Variants in ITGBL1 observed in about 807,000 individuals in gnomAD.
The protein encoded by ITGBL1 is integrin subunit beta like 1.
ITGBL1 carries 51 observed loss-of-function variants against 68.5 expected under a neutral mutation model. That is an observed-to-expected ratio of 0.74 (90% confidence interval 0.59 to 0.94). The LOEUF (loss-of-function observed/expected upper bound fraction) is 0.94. Ranked by LOEUF, ITGBL1 falls within the 40% of genes least tolerant of loss-of-function variation. ITGBL1 has a pLI of 0.00. For synonymous variants in ITGBL1, 209 were observed against 227.3 expected, an observed-to-expected ratio of 0.92 and a Z score of 0.72; for missense variants, 649 against 647.4, an observed-to-expected ratio of 1.00 and a Z score of -0.03.
At chr13:101,690,512 G>C (rs2033860036) in intron 7 of ITGBL1, among the ~76,000 whole-genome samples, 1 of 152,124 alleles carries the variant, frequency 6.6e-6, no homozygotes, top group African/African-American at 2.4e-5. Context: ...TCCCACATCT[G>C]TGTGTGAAGG....
At chr13:101,497,709 C>T (rs9585714) in intron 2 of ITGBL1, among the ~76,000 whole-genome samples, 62,927 of 151,978 alleles carry the variant, frequency 0.41, 14,403 homozygotes, top group Non-Finnish European at 0.52. Flanking sequence ...AGCTCTCGGT[C>T]CTTACTCCCC....
intron 7 of ITGBL1, among the ~76,000 whole-genome samples, chr13:101,655,267 T>G (rs569381759): frequency 3.3e-5 from 5 of 152,282 alleles, no homozygotes; most frequent in African/African-American, 1.2e-4. Flanking sequence ...ACAGAATGGA[T>G]GTTTTGTTTT....
chr13:101,600,546 T>A (rs368811122), intron 7 of ITGBL1, among the ~76,000 whole-genome samples: 12 of 151,966 alleles, frequency 7.9e-5, no homozygotes, highest in Non-Finnish European at 1.5e-4. Flanking sequence ...CCAGTTTTTG[T>A]CCATTCAGTA....
Position 101,455,732 on chromosome 13 carries a change from A to G in ITGBL1, c.316+1632A>G, listed in dbSNP as rs142777060. ...ACTTGTTATTTAACTTCGCAGTCCT[A>G]CAAACCGCAGTATAATTAAGGGTAG... On this transcript the variant is annotated intron_variant, in intron 2 of 10. Transcript: ENST00000376180. 2.7e-3 allele frequency among the ~76,000 whole-genome samples: 404 copies of G among 152,374 alleles called. 2 individuals carry two copies. The highest frequency in any genetic ancestry group is 9.0e-3 in the African/African-American group (375 of 41,576).
intron 2 of ITGBL1, among the ~76,000 whole-genome samples, chr13:101,511,659 G>A (rs1594856578): frequency 1.3e-5 from 2 of 152,092 alleles, no homozygotes; most frequent in South Asian, 2.1e-4. Flanking sequence ...CTTTGAAGAA[G>A]CAAGTTTCCA....
At chr13:101,654,082 T>G (rs1226994632) in intron 7 of ITGBL1, among the ~76,000 whole-genome samples, 1 of 151,978 alleles carries the variant, frequency 6.6e-6, no homozygotes, top group Non-Finnish European at 1.5e-5. Context: ...TGGGGGGAAT[T>G]CTTTACAAGC....
At chr13:101,597,699 C>G (rs2139323608) in intron 6 of ITGBL1, among the ~76,000 whole-genome samples, 1 of 152,124 alleles carries the variant, frequency 6.6e-6, no homozygotes, top group African/African-American at 2.4e-5. Context: ...ATTACAGGTG[C>G]ACGCCACCAT....
chr13:101,605,713 C>T lies in ITGBL1; in HGVS notation c.1015+7414C>T, dbSNP rs558379491. ...ACACGTATGTAGACTTATGTATGTG[C>T]GTATATGCGTGTACACGTATGTAGA... On this transcript the variant is annotated intron_variant, in intron 7 of 10. Transcript: ENST00000376180. 1.2e-4 allele frequency among the ~76,000 whole-genome samples: 18 copies of T among 150,528 alleles called. No homozygotes were observed. The East Asian group carries it at 1.6e-3, about 13-fold the overall frequency.
chr13:101,587,015 A>C (rs1200390833), intron 6 of ITGBL1, among the ~76,000 whole-genome samples: 1 of 152,174 alleles, frequency 6.6e-6, no homozygotes, highest in East Asian at 1.9e-4. Context: ...ACTAGAACAT[A>C]ATAAGGCTCT....
At position 101,610,749 on chromosome 13, in the gene ITGBL1, G is replaced by GA. The variant is rs565720320; in HGVS notation, c.1015+12456dup. On this transcript the variant is annotated intron_variant, in intron 7 of 10. Transcript: ENST00000376180. ...AATATTTCTCATGCAGCCCCTTACA[G>GA]AAAAAACCTGCTACCCCTGAGCTAA... Among the ~76,000 whole-genome samples the GA allele has an allele frequency of 3.3e-5, 5 of 152,214 alleles. No homozygotes were observed. The East Asian group carries it at 9.6e-4, about 29-fold the overall frequency.
intron 9 of ITGBL1, among the ~76,000 whole-genome samples, chr13:101,710,154 A>T (rs901377331): frequency 2.6e-5 from 4 of 152,204 alleles, no homozygotes; most frequent in African/African-American, 2.4e-5. Flanking sequence ...ATATTTGTGT[A>T]AACTATTTGT....
intron 2 of ITGBL1, among the ~76,000 whole-genome samples, chr13:101,539,050 CTTTTTT>C (rs35288585): frequency 4.0e-5 from 4 of 99,624 alleles, no homozygotes; most frequent in Non-Finnish European, 5.6e-5. Context: ...TGTGCTGCTT[CTTTTTT>C]TTTTTTTTTT....
At chr13:101,481,813 A>G (rs757465938) in intron 2 of ITGBL1, among the ~76,000 whole-genome samples, 2 of 152,096 alleles carry the variant, frequency 1.3e-5, no homozygotes, top group Non-Finnish European at 2.9e-5. Context: ...GTTGAGATTA[A>G]TGTTGCACAT....
intron 2 of ITGBL1, among the ~76,000 whole-genome samples, chr13:101,506,146 A>G (rs1228452661): frequency 6.6e-6 from 1 of 152,208 alleles, no homozygotes; most frequent in Admixed American, 6.5e-5. Context: ...ATTCAAGAAT[A>G]CTTCAGATGT....
intron 7 of ITGBL1, among the ~76,000 whole-genome samples, chr13:101,679,009 C>G (rs779518535): frequency 6.6e-5 from 10 of 151,820 alleles, no homozygotes; most frequent in Non-Finnish European, 8.8e-5. Flanking sequence ...CTGGATCAAG[C>G]GATTCTCCTG....
intron 7 of ITGBL1, among the ~76,000 whole-genome samples, chr13:101,668,836 T>C (rs2033286682): frequency 6.6e-6 from 1 of 152,176 alleles, no homozygotes; most frequent in Non-Finnish European, 1.5e-5. Flanking sequence ...CATGTTTATT[T>C]AATTTTGGCT....
chr13:101,649,727 G>T (rs932924792), intron 7 of ITGBL1, among the ~76,000 whole-genome samples: 1 of 152,084 alleles, frequency 6.6e-6, no homozygotes, highest in Non-Finnish European at 1.5e-5. Context: ...TGTACACTTT[G>T]ATTTATGTAT....
At chr13:101,672,957 C>T (rs955817299) in intron 7 of ITGBL1, among the ~76,000 whole-genome samples, 7 of 152,096 alleles carry the variant, frequency 4.6e-5, no homozygotes, top group African/African-American at 1.2e-4. Flanking sequence ...TCTAAACCCG[C>T]GTAGAATGAA....
chr13:101,466,278 C>T (rs777519314), intron 2 of ITGBL1, among the ~76,000 whole-genome samples: 1 of 152,210 alleles, frequency 6.6e-6, no homozygotes, highest in Non-Finnish European at 1.5e-5. Flanking sequence ...TCCCTTCTGT[C>T]TATCCTGTAT....
Sources: gnomAD v4.1 joint callset for allele counts (sites outside exome capture counted in the v4.1 genomes callset) on GRCh38, gnomAD v4.1.1 for gene constraint, MANE v1.5 for transcripts, NCBI Gene and HGNC (gene_info 2026-07-23, HGNC 2026-07-21) for gene names.